The following ZDHHC3 variants were observed in gnomAD, a reference collection of about 807,000 sequenced individuals.
ZDHHC3 encodes zDHHC palmitoyltransferase 3.
A neutral mutation model predicts 30.6 loss-of-function variants in ZDHHC3; 9 were observed. The observed-to-expected ratio is 0.29, with a 90% confidence interval of 0.18 to 0.51. ZDHHC3 has a LOEUF of 0.51. Among genes scored for constraint, ZDHHC3 ranks in the 20% least tolerant of loss-of-function variants. The probability of loss-of-function intolerance (pLI) is 0.97; values close to 1 mark genes in which losing one functional copy is unlikely to be tolerated. For synonymous variants in ZDHHC3, 136 were observed against 140.2 expected, an observed-to-expected ratio of 0.97 and a Z score of 0.21; for missense variants, 246 against 384.2, an observed-to-expected ratio of 0.64 and a Z score of 3.01.
chr3:44,955,391 C>T (rs1035581182), intron 2 of ZDHHC3, among the ~76,000 whole-genome samples: 11 of 151,462 alleles, frequency 7.3e-5, no homozygotes, highest in African/African-American at 2.2e-4. Flanking sequence ...TCAGATATTA[C>T]ACTTGGAATA....
At chr3:44,944,334 C>A (rs367838267) in intron 3 of ZDHHC3, among the ~76,000 whole-genome samples, 1 of 152,058 alleles carries the variant, frequency 6.6e-6, no homozygotes, top group Non-Finnish European at 1.5e-5. Context: ...TTAGTAAAGA[C>A]AGAGTTTCTC....
chr3:44,955,376 A>G (rs1703842343), intron 2 of ZDHHC3, among the ~76,000 whole-genome samples: 1 of 151,822 alleles, frequency 6.6e-6, no homozygotes, highest in Non-Finnish European at 1.5e-5. Flanking sequence ...AGTGGTTGCA[A>G]TTGTTCAGAT....
At chr3:44,935,270 A>G (rs1317473831) in intron 3 of ZDHHC3, among the ~76,000 whole-genome samples, 1 of 152,122 alleles carries the variant, frequency 6.6e-6, no homozygotes, top group Non-Finnish European at 1.5e-5. Flanking sequence ...CGAGATAAAT[A>G]ATTACCTTTC....
rs1705960430 is a variant in ZDHHC3, at chr3:44,976,059, G to A, written c.-151C>T. ...GGCTTCGGCGATGGCTCCTCGGAAC[G>A]AGGCGCCGCGGCTCTCTGGACTCGG... On this transcript the variant is annotated 5_prime_UTR_variant, in exon 1 of 7. Transcript: ENST00000424952. 2.4e-6 allele frequency: 1 copy of A among 409,964 alleles called. No individual in the cohort carries two copies. Among genetic ancestry groups the A allele is most frequent in the African/African-American group, 2.1e-5 (1 of 48,074 alleles). The allele number at this position is 409,964 out of a possible 1,614,324, so 25.4% of individuals were successfully genotyped here.
chr3:44,921,869 G>C lies in ZDHHC3; in HGVS notation c.*4820C>G. On this transcript the variant is annotated 3_prime_UTR_variant, in exon 7 of 7. Transcript: ENST00000424952. The stretch of plus-strand genomic sequence containing the variant: ...ATGGCCTCAGCTGCAGAAATTCAGG[G>C]CATCCTTATGTCCGTGTTAGAGCAT... 1.0e-6 allele frequency: 1 copy of C among 985,398 alleles called. No homozygotes were observed. Among genetic ancestry groups the C allele is most frequent in the Non-Finnish European group, 1.2e-6 (1 of 829,932 alleles). The allele number at this position is 985,398 out of a possible 1,614,324, so 61.0% of individuals were successfully genotyped here.
At chr3:44,934,338 G>C (rs1701757027) in intron 3 of ZDHHC3, among the ~76,000 whole-genome samples, 1 of 151,976 alleles carries the variant, frequency 6.6e-6, no homozygotes, top group Non-Finnish European at 1.5e-5. Flanking sequence ...TCAAAAACTT[G>C]ACCAAGTGGG....
rs763348315 is a variant in ZDHHC3 at position 44,917,564 on chromosome 3, C to T, written c.*9125G>A. On this transcript the variant is annotated 3_prime_UTR_variant, in exon 7 of 7. Transcript: ENST00000424952. ...AAGCTCTTTTCTGCCCCTGGGATGC[C>T]CTGTTCAAAAGCTCCCTTTGCTGGG... 4.2e-6 allele frequency: 1 copy of T among 238,474 alleles called. No individual in the cohort carries two copies. Among genetic ancestry groups the T allele is most frequent in the Admixed American group, 5.1e-5 (1 of 19,460 alleles). The allele number at this position is 238,474 out of a possible 1,614,324, so 14.8% of individuals were successfully genotyped here. A position where few individuals can be genotyped will look rare whatever the true frequency, so the allele number is the denominator to read the frequency against.
At chr3:44,966,867 A>C (rs1704994537) in intron 1 of ZDHHC3, among the ~76,000 whole-genome samples, 1 of 152,192 alleles carries the variant, frequency 6.6e-6, no homozygotes, top group Non-Finnish European at 1.5e-5. Flanking sequence ...AAACTTTTTC[A>C]AAAAGGTAAG....
At chr3:44,953,487 C>T (rs1040909428) in intron 2 of ZDHHC3, among the ~76,000 whole-genome samples, 4 of 152,054 alleles carry the variant, frequency 2.6e-5, no homozygotes, top group East Asian at 1.9e-4. Flanking sequence ...TAAAGAAATG[C>T]CAATAATTTC....
At chr3:44,928,059 A>T (rs373952584) in intron 6 of ZDHHC3, among the ~76,000 whole-genome samples, 7 of 152,332 alleles carry the variant, frequency 4.6e-5, no homozygotes, top group African/African-American at 1.7e-4. Flanking sequence ...GTGGCCCGGC[A>T]GTATCCCAAT....
At position 44,918,584 on chromosome 3, in the gene ZDHHC3, G is replaced by T; in HGVS notation, c.*8105C>A. Reference sequence around the variant, plus strand: ...ACTCCCACCAGGGTAGATAGGGGCTGCAAACACAGCAGAAGGACGATGGGG... The same window carrying T: ...ACTCCCACCAGGGTAGATAGGGGCTTCAAACACAGCAGAAGGACGATGGGG... On this transcript the variant is annotated 3_prime_UTR_variant, in exon 7 of 7. Transcript: ENST00000424952. 1.0e-6 allele frequency: 1 copy of T among 985,452 alleles called. No individual in the cohort carries two copies. The highest frequency in any genetic ancestry group is 1.2e-6 in the Non-Finnish European group (1 of 829,936). The allele number at this position is 985,452 out of a possible 1,614,324, so 61.0% of individuals were successfully genotyped here.
intron 2 of ZDHHC3, among the ~76,000 whole-genome samples, chr3:44,953,404 G>C (rs187319658): frequency 6.6e-6 from 1 of 152,166 alleles, no homozygotes; most frequent in Non-Finnish European, 1.5e-5. Context: ...AGGATACTAA[G>C]GCTGTTTCAA....
chr3:44,922,842 C>T lies in ZDHHC3; in HGVS notation c.*3847G>A. The T allele has an allele frequency of 2.0e-6, 2 of 985,238 alleles. No individual in the cohort carries two copies. Among genetic ancestry groups the T allele is most frequent in the South Asian group, 4.7e-5 (1 of 21,252 alleles). 61.0% of individuals were successfully genotyped at this position (985,238 alleles called of 1,614,324 possible). A position where few individuals can be genotyped will look rare whatever the true frequency, so the allele number is the denominator to read the frequency against. ...TGCTGGTCTGGCAACCTCAAGAACA[C>T]CTTTGAGGAGGATTCTAGCAAAATC... is the stretch of plus-strand genomic sequence containing the variant. On this transcript the variant is annotated 3_prime_UTR_variant, in exon 7 of 7. Transcript: ENST00000424952.
chr3:44,935,111 C>A (rs1478679355), intron 3 of ZDHHC3, among the ~76,000 whole-genome samples: 1 of 152,042 alleles, frequency 6.6e-6, no homozygotes, highest in Non-Finnish European at 1.5e-5. Context: ...GCAACTGCTT[C>A]CCAAAGCTCA....
intron 2 of ZDHHC3, among the ~76,000 whole-genome samples, chr3:44,946,848 G>T (rs1023689567): frequency 2.0e-5 from 3 of 152,192 alleles, no homozygotes; most frequent in Non-Finnish European, 4.4e-5. Flanking sequence ...CCCATGTGGT[G>T]CGCTGAATAC....
At chr3:44,973,859 C>T (rs1705626557) in intron 1 of ZDHHC3, among the ~76,000 whole-genome samples, 1 of 152,162 alleles carries the variant, frequency 6.6e-6, no homozygotes, top group Admixed American at 6.5e-5. Flanking sequence ...AATACACAAA[C>T]CTACAGAATA....
intron 3 of ZDHHC3, chr3:44,938,503 C>T (rs932190450): frequency 2.7e-5 from 5 of 186,552 alleles, no homozygotes; most frequent in African/African-American, 1.2e-4. Context: ...GACGATATTT[C>T]AATAAAGAAT....
chr3:44,954,272 A>T (rs909952654), intron 2 of ZDHHC3, among the ~76,000 whole-genome samples: 3 of 152,192 alleles, frequency 2.0e-5, no homozygotes, highest in African/African-American at 7.2e-5. Flanking sequence ...AATTGACTAT[A>T]AATCCAGTCA....
At chr3:44,951,862 C>T (rs1703483976) in intron 2 of ZDHHC3, among the ~76,000 whole-genome samples, 1 of 152,216 alleles carries the variant, frequency 6.6e-6, no homozygotes, top group Non-Finnish European at 1.5e-5. Context: ...CACTGTCCTT[C>T]TCCCTGTCTG....
Sources: allele counts gnomAD v4.1 joint callset (sites outside exome capture counted in the v4.1 genomes callset), GRCh38; gene constraint gnomAD v4.1.1; transcripts MANE v1.5; gene names NCBI Gene and HGNC (gene_info 2026-07-23, HGNC 2026-07-21).